The following PLEKHM3 variants were observed in gnomAD, a reference collection of about 807,000 sequenced individuals.
PLEKHM3 encodes pleckstrin homology domain-containing family M member 3.
Under a neutral mutation model 81.8 loss-of-function variants are expected in PLEKHM3, and 45 were observed. The ratio of observed to expected loss-of-function variants is 0.55; its 90% CI spans 0.43 to 0.71. PLEKHM3 has a LOEUF of 0.71. Among genes scored for constraint, PLEKHM3 ranks in the 30% least tolerant of loss-of-function variants. PLEKHM3 has a pLI of 0.00. For synonymous variants in PLEKHM3, 352 were observed against 356.4 expected, an observed-to-expected ratio of 0.99 and a Z score of 0.14; for missense variants, 788 against 924.3, an observed-to-expected ratio of 0.85 and a Z score of 1.91.
intron 3 of PLEKHM3, among the ~76,000 whole-genome samples, chr2:207,975,115 A>G (rs1413389343): frequency 6.6e-6 from 1 of 152,142 alleles, no homozygotes; most frequent in East Asian, 1.9e-4. Context: ...GGTGTGAGCC[A>G]CCGCGCCCAG....
At chr2:207,891,423 G>A (rs1026229497) in intron 6 of PLEKHM3, among the ~76,000 whole-genome samples, 1 of 152,170 alleles carries the variant, frequency 6.6e-6, no homozygotes, top group Non-Finnish European at 1.5e-5. Flanking sequence ...AAAGGAAACT[G>A]AGGCATAAGT....
intron 7 of PLEKHM3, among the ~76,000 whole-genome samples, chr2:207,845,947 G>T (rs751934132): frequency 7.9e-5 from 12 of 152,266 alleles, no homozygotes; most frequent in South Asian, 2.1e-4. Flanking sequence ...AAAACATCAT[G>T]ACAAACTATC....
At chr2:207,963,820 C>T (rs1165568067) in intron 3 of PLEKHM3, among the ~76,000 whole-genome samples, 1 of 152,068 alleles carries the variant, frequency 6.6e-6, no homozygotes, top group African/African-American at 2.4e-5. Flanking sequence ...AGATTGATAC[C>T]CCAATGGCTA....
intron 7 of PLEKHM3, among the ~76,000 whole-genome samples, chr2:207,860,267 G>T (rs1304158455): frequency 6.6e-6 from 1 of 150,554 alleles, no homozygotes; most frequent in Non-Finnish European, 1.5e-5. Flanking sequence ...CCAAATTCCC[G>T]CATGTTTACA....
At chr2:207,930,403 T>C (rs966063139) in intron 5 of PLEKHM3, among the ~76,000 whole-genome samples, 1 of 151,928 alleles carries the variant, frequency 6.6e-6, no homozygotes, top group African/African-American at 2.4e-5. Context: ...GGCAACAGAA[T>C]GAGTCTCTGT....
intron 1 of PLEKHM3, among the ~76,000 whole-genome samples, chr2:208,010,745 A>G (rs1374273409): frequency 6.6e-6 from 1 of 152,206 alleles, no homozygotes; most frequent in Admixed American, 6.5e-5. Context: ...AGACTTAAAG[A>G]TGTCATCAGT....
intron 6 of PLEKHM3, among the ~76,000 whole-genome samples, chr2:207,893,782 CAG>C (rs1487959202): frequency 3.3e-5 from 5 of 152,016 alleles, no homozygotes; most frequent in Admixed American, 1.3e-4. Context: ...GCTACAGATA[CAG>C]AGTGTGCTAA....
At position 207,852,736 on chromosome 2, in the gene PLEKHM3, G is replaced by C. The variant is rs146702020; in HGVS notation, c.2108+8369C>G. 2.5e-4 allele frequency: 105 copies of C among 413,116 alleles called. 1 individual carries two copies. The highest frequency in any genetic ancestry group is 1.8e-3 in the African/African-American group (83 of 47,106). The allele number at this position is 413,116 out of a possible 1,614,324, so 25.6% of individuals were successfully genotyped here. A position where few individuals can be genotyped will look rare whatever the true frequency, so the allele number is the denominator to read the frequency against. On this transcript the variant is annotated intron_variant, in intron 7 of 7. Transcript: ENST00000427836. ...GGGAAAGGCTGAAAAACTTCCTTTGGGTACCCTGTTCACTATATAGGTGAT... is the reference window on the plus strand; with the variant it reads ...GGGAAAGGCTGAAAAACTTCCTTTGCGTACCCTGTTCACTATATAGGTGAT...
chr2:207,918,305 G>C (rs1201949005), intron 5 of PLEKHM3, among the ~76,000 whole-genome samples: 1 of 152,158 alleles, frequency 6.6e-6, no homozygotes, highest in Non-Finnish European at 1.5e-5. Flanking sequence ...GGTGGATCAC[G>C]AGGTCAGGAG....
intron 4 of PLEKHM3, among the ~76,000 whole-genome samples, chr2:207,944,878 T>C (rs1014394875): frequency 6.6e-6 from 1 of 152,204 alleles, no homozygotes; most frequent in Non-Finnish European, 1.5e-5. Flanking sequence ...TTTTTTCCAT[T>C]AAAACAACAA....
intron 6 of PLEKHM3, among the ~76,000 whole-genome samples, chr2:207,868,367 T>G (rs1362596024): frequency 6.6e-6 from 1 of 152,128 alleles, no homozygotes; most frequent in Non-Finnish European, 1.5e-5. Context: ...TTAGGGAGTC[T>G]CCCAGAGGGG....
chr2:208,008,162 C>T (rs938954896), intron 1 of PLEKHM3, among the ~76,000 whole-genome samples: 3 of 152,030 alleles, frequency 2.0e-5, no homozygotes, highest in African/African-American at 7.2e-5. Context: ...CCCTTGAGCC[C>T]AGGAGTTCAA....
Position 208,001,578 on chromosome 2 carries a change from C to G in PLEKHM3, c.62G>C (p.Ser21Thr). 6.2e-7 allele frequency: 1 copy of G among 1,614,152 alleles called. No individual in the cohort carries two copies. The highest frequency in any genetic ancestry group is 1.1e-5 in the South Asian group (1 of 91,084). Residue 21 changes from serine to threonine, a missense_variant, in exon 2 of 8, where the codon AGT (serine) becomes ACT (threonine). Physicochemically the swap from Ser to Thr is moderately conservative, Grantham distance 58 (BLOSUM62 1). Coordinates refer to ENST00000427836, the MANE Select transcript of PLEKHM3 (RefSeq NM_001080475.3). ...PALEVTEEFF[S>T]TLDSNLEKAV... is the part of the protein sequence containing the mutation. ...CTTTTCTAGATTACTATCCAAAGTACTAAAGAATTCCTCCGTAACTTCTAA... is the reference window on the plus strand; with the variant it reads ...CTTTTCTAGATTACTATCCAAAGTAGTAAAGAATTCCTCCGTAACTTCTAA...
chr2:207,960,696 A>G (rs1193413453), intron 3 of PLEKHM3, among the ~76,000 whole-genome samples: 7 of 152,220 alleles, frequency 4.6e-5, no homozygotes, highest in Non-Finnish European at 7.3e-5. Context: ...GGTGGGTGAC[A>G]TTATTGAGAG....
At chr2:208,012,558 G>A (rs1305913093) in intron 1 of PLEKHM3, among the ~76,000 whole-genome samples, 1 of 152,198 alleles carries the variant, frequency 6.6e-6, no homozygotes. Context: ...GAGTGAGTAG[G>A]CTGAATCCAA....
intron 5 of PLEKHM3, chr2:207,929,836 T>C (rs1380970736): frequency 3.0e-6 from 2 of 663,166 alleles, no homozygotes; most frequent in South Asian, 1.7e-5. Context: ...TTGGATCTAA[T>C]TGGATCTCAA....
chr2:207,963,906 T>C (rs1304138746), intron 3 of PLEKHM3, among the ~76,000 whole-genome samples: 1 of 152,206 alleles, frequency 6.6e-6, no homozygotes, highest in Non-Finnish European at 1.5e-5. Context: ...AAGTATGGGT[T>C]GACTCATTCA....
chr2:207,930,725 C>T (rs1015207702), intron 5 of PLEKHM3, among the ~76,000 whole-genome samples: 4 of 152,106 alleles, frequency 2.6e-5, no homozygotes, highest in African/African-American at 9.7e-5. Context: ...TTTCATTTTG[C>T]TTGGCTTAAC....
chr2:207,855,359 C>T (rs751771061), intron 7 of PLEKHM3, among the ~76,000 whole-genome samples: 8 of 152,002 alleles, frequency 5.3e-5, no homozygotes, highest in Non-Finnish European at 1.2e-4. Flanking sequence ...TGGGCTGTAA[C>T]CCAAAGTACA....
Sources: gnomAD v4.1 joint callset for allele counts (sites outside exome capture counted in the v4.1 genomes callset) on GRCh38, gnomAD v4.1.1 for gene constraint, MANE v1.5 for transcripts, NCBI Gene and HGNC (gene_info 2026-07-23, HGNC 2026-07-21) for gene names.